CCNA1: variants seen among roughly 807,000 people sequenced by gnomAD.
CCNA1 encodes cyclin-A1.
Under a neutral mutation model 54.1 loss-of-function variants are expected in CCNA1, and 23 were observed. That is an observed-to-expected ratio of 0.42 (90% CI 0.31 to 0.60). CCNA1 has a LOEUF of 0.60. CCNA1 is among the 20% of genes least tolerant of loss of function. CCNA1 has a pLI of 0.14. For synonymous variants in CCNA1, 208 were observed against 213.9 expected (o/e 0.97, Z 0.24); for missense variants, 450 against 556.7 (o/e 0.81, Z 1.93).
chr13:36,434,010 A>G (rs1350277719), intron 2 of CCNA1, among the ~76,000 whole-genome samples: 12 of 152,240 alleles, frequency 7.9e-5, no homozygotes, highest in Non-Finnish European at 1.6e-4. Flanking sequence ...ATGCTTCCAA[A>G]TAAACTGTGG....
intron 6 of CCNA1, 91 bp from the exon 7 acceptor site, chr13:36,441,027 A>G: frequency 4.6e-6 from 3 of 652,660 alleles, no homozygotes; most frequent in Non-Finnish European, 8.0e-6. Flanking sequence ...GAACAAAGAT[A>G]AGATACCATT....
In CCNA1 at chr13:36,432,538, G is replaced by A. The variant is rs1244274125; in HGVS notation, c.-84G>A. On this transcript the variant is annotated 5_prime_UTR_variant, in exon 1 of 9. Coordinates refer to ENST00000255465, the MANE Select transcript of CCNA1 (RefSeq NM_003914.4). The stretch of plus-strand genomic sequence containing the variant: ...GAAAGATAACGACGGGAAGAGCGGG[G>A]CCCGCTTTGGGGTCCAGGCAGGTTT... 9.5e-6 allele frequency: 7 copies of A among 734,760 alleles called. No homozygotes were observed. The highest frequency in any genetic ancestry group is 5.3e-5 in the East Asian group (2 of 37,520). 45.5% of individuals were successfully genotyped at this position (734,760 alleles called of 1,614,324 possible). A position where few individuals can be genotyped will look rare whatever the true frequency, so the allele number is the denominator to read the frequency against.
intron 6 of CCNA1, among the ~76,000 whole-genome samples, chr13:36,440,451 A>C (rs2055862442): frequency 6.6e-6 from 1 of 152,248 alleles, no homozygotes; most frequent in African/African-American, 2.4e-5. Context: ...TATTGGATAC[A>C]GACCACATAC....
intron 2 of CCNA1, among the ~76,000 whole-genome samples, chr13:36,433,430 C>CG (rs2055753956): frequency 1.9e-5 from 2 of 103,594 alleles, no homozygotes; most frequent in African/African-American, 7.4e-5. Flanking sequence ...TTCTTTCTTT[C>CG]TTTCTTTCTT....
In CCNA1 at chr13:36,433,232, A is replaced by C; in HGVS notation, c.297+11A>C. The C allele has an allele frequency of 6.2e-7, 1 of 1,601,422 alleles. No homozygotes were observed. Among genetic ancestry groups the C allele is most frequent in the Non-Finnish European group, 8.5e-7 (1 of 1,173,058 alleles). ...AGGACCTGTGGCCAGGTAATGACTC[A>C]GACGCATTGAGAATGATGCTTGTGG... On this transcript the variant is annotated intron_variant, in intron 2 of 8. Coordinates refer to ENST00000255465, the MANE Select transcript of CCNA1 (RefSeq NM_003914.4).
At chr13:36,435,431 G>A (rs1234600163) in intron 2 of CCNA1, among the ~76,000 whole-genome samples, 2 of 152,068 alleles carry the variant, frequency 1.3e-5, no homozygotes, top group Non-Finnish European at 2.9e-5. Flanking sequence ...TGCTCTATTT[G>A]GACTCAATTC....
At chr13:36,439,935 C>G (rs959081703) in intron 5 of CCNA1, 44 bp from the exon 6 acceptor site, 2 of 1,393,460 alleles carry the variant, frequency 1.4e-6, no homozygotes, top group Non-Finnish European at 2.0e-6. Context: ...AGGAGTAGAG[C>G]CAAAGGTTCT....
Position 36,432,626 on chromosome 13 carries a change from A to C in CCNA1, c.5A>C (p.Glu2Ala). 6.3e-7 allele frequency: 1 copy of C among 1,588,752 alleles called. No individual in the cohort carries two copies. Among genetic ancestry groups the C allele is most frequent in the South Asian group, 1.2e-5 (1 of 86,134 alleles). The change falls in exon 1 of 9, where the codon GAG becomes GCG. Residue 2 changes from glutamate (E) to alanine (A), a missense_variant. By Grantham distance (107) the Glu-to-Ala change is moderately radical (BLOSUM62 -1). This residue lies in a region of CCNA1 where 103 missense variants were observed against 100.9 expected (regional missense o/e 1.02). Coordinates refer to ENST00000255465, the MANE Select transcript of CCNA1 (RefSeq NM_003914.4). ...GCACCCTGCTCGTCACTTGGGATGG[A>C]GACCGGCTTTCCCGCAATCATGTAC...
Position 36,442,644 on chromosome 13 carries a change from T to C in CCNA1, c.1377T>C (p.Pro459=). 1.2e-6 allele frequency: 2 copies of C among 1,613,978 alleles called. No homozygotes were observed. Among genetic ancestry groups the C allele is most frequent in the South Asian group, 2.2e-5 (2 of 91,022 alleles). ...TGTGTGTGTCCCTCATGGAGCCACC[T>C]GCAGTTCTTCTTCTACAATAAGTTT... Residue 459 remains proline (P), a synonymous_variant, in exon 9 of 9, where the codon CCT becomes CCC. Transcript: ENST00000255465.
At chr13:36,432,086 G>T (rs1345524733), upstream of CCNA1, 3 of 153,064 alleles carry the variant, frequency 2.0e-5, no homozygotes, top group African/African-American at 7.2e-5. Flanking sequence ...CGCACAGCTG[G>T]AGCTGGAGGG....
intron 6 of CCNA1, among the ~76,000 whole-genome samples, 196 bp downstream of exon 6, chr13:36,440,379 G>A (rs2055861303): frequency 6.6e-6 from 1 of 152,104 alleles, no homozygotes; most frequent in South Asian, 2.1e-4. Flanking sequence ...GACTATATTT[G>A]GCAGGCACGG....
At position 36,441,190 on chromosome 13, in the gene CCNA1, G is replaced by T; in HGVS notation, c.1171G>T (p.Ala391Ser). The T allele has an allele frequency of 6.2e-7, 1 of 1,613,100 alleles. No individual in the cohort carries two copies. The highest frequency in any genetic ancestry group is 8.5e-7 in the Non-Finnish European group (1 of 1,179,190). ...TCTTCCTTCACTGATAGCTGCAGCA[G>T]CTTTTTGCCTGGCAAACTATACTGT... The change falls in exon 7 of 9, where the codon GCT becomes TCT. Residue 391 changes from alanine (A) to serine (S), a missense_variant. Physicochemically the swap from Ala to Ser is moderately conservative, Grantham distance 99. Around this residue, in one of 6 missense-constraint regions of CCNA1, gnomAD observed 22 missense variants for 52.7 expected, o/e 0.42. Transcript: ENST00000255465.
chr13:36,432,578 T>A lies in CCNA1; in HGVS notation c.-44T>A. On this transcript the variant is annotated 5_prime_UTR_variant, in exon 1 of 9. Transcript: ENST00000255465. Reference sequence around the variant, plus strand: ...CAGGCAGGTTTTGGGGCCTCCTGTCTGGTGGGAGGAGGCCGCAGCGCAGCA... The same window carrying A: ...CAGGCAGGTTTTGGGGCCTCCTGTCAGGTGGGAGGAGGCCGCAGCGCAGCA... 1 of 1,300,974 alleles carries A rather than the reference T, an allele frequency of 7.7e-7. No homozygotes were observed. The highest frequency in any genetic ancestry group is 1.1e-6 in the Non-Finnish European group (1 of 941,404). 80.6% of individuals were successfully genotyped at this position (1,300,974 alleles called of 1,614,324 possible).
chr13:36,433,372 TTCTTTCTTTC>T (rs1234043869), intron 2 of CCNA1, 151 bp downstream of exon 2: 2,505 of 79,412 alleles, frequency 0.032, 181 homozygotes, highest in African/African-American at 0.12. Context: ...TTGATTTATT[TTCTTTCTTTC>T]TTTCTTTCTT....
intron 2 of CCNA1, among the ~76,000 whole-genome samples, chr13:36,433,946 G>GT (rs1378029117): frequency 4.6e-5 from 7 of 152,304 alleles, no homozygotes; most frequent in Admixed American, 3.9e-4. Flanking sequence ...TCTAGGAACT[G>GT]TTTGGGTTAT....
chr13:36,432,311 CG>C (rs1428369038), upstream of CCNA1: 5 of 331,556 alleles, frequency 1.5e-5, no homozygotes, highest in Admixed American at 4.5e-5. Context: ...TCGCTAAGCC[CG>C]GCCGCCTCCC....
At chr13:36,442,083 G>A (rs183927234) in intron 7 of CCNA1, 88 bp from the exon 8 acceptor site, 212 of 1,001,200 alleles carry the variant, frequency 2.1e-4, no homozygotes, top group Middle Eastern at 1.8e-3. Context: ...ATTTACTAAG[G>A]GACTAATTCC....
At chr13:36,442,428 C>T (rs2055886705) in intron 8 of CCNA1, 124 bp downstream of exon 8, 9 of 1,177,678 alleles carry the variant, frequency 7.6e-6, no homozygotes, top group South Asian at 4.4e-5. Context: ...AGTAAGGGTA[C>T]GTGTACAAAT....
chr13:36,436,866 T>A (rs1263031087), intron 2 of CCNA1, among the ~76,000 whole-genome samples: 1 of 152,176 alleles, frequency 6.6e-6, no homozygotes, highest in Non-Finnish European at 1.5e-5. Context: ...GGCATTTGCG[T>A]AAATATAGCT....
Sources: gnomAD v4.1 joint callset for allele counts (sites outside exome capture counted in the v4.1 genomes callset) on GRCh38, gnomAD v4.1.1 for gene constraint, gnomAD v4.1.1 regional missense constraint, MANE v1.5 for transcripts, NCBI Gene and HGNC (gene_info 2026-07-23, HGNC 2026-07-21) for gene names.